The following SGCG variants were observed in gnomAD, a reference collection of about 807,000 sequenced individuals.
SGCG encodes sarcoglycan gamma, also known as gamma-sarcoglycan.
SGCG carries 26 observed loss-of-function variants against 29.3 expected under a neutral mutation model. The ratio of observed to expected loss-of-function variants is 0.89; its 90% CI spans 0.65 to 1.23. The LOEUF (loss-of-function observed/expected upper bound fraction) is 1.23. Among genes scored for constraint, SGCG ranks in the 50% most tolerant of loss-of-function variants. The probability of loss-of-function intolerance (pLI) is 0.00; values close to 1 mark genes in which losing one functional copy is unlikely to be tolerated. For synonymous variants in SGCG, 145 were observed against 129.7 expected (o/e 1.12, Z -0.80); for missense variants, 353 against 356.0 (o/e 0.99, Z 0.07).
chr13:23,277,913 T>TG (rs1421171713), intron 4 of SGCG, among the ~76,000 whole-genome samples: 2 of 152,018 alleles, frequency 1.3e-5, no homozygotes. Context: ...TTAGCCAGGA[T>TG]GGTCTCGATC....
intron 2 of SGCG, among the ~76,000 whole-genome samples, chr13:23,222,048 G>T (rs950604476): frequency 5.3e-5 from 8 of 152,202 alleles, no homozygotes; most frequent in Non-Finnish European, 8.8e-5. Context: ...ATTAAGTGTT[G>T]TTAAATTAAG....
rs542433344 is a variant in SGCG at position 23,223,819 on chromosome 13, A to C, written c.196-10792A>C. The stretch of plus-strand genomic sequence containing the variant: ...CGTCTCTACTAAAAATACAAAAATT[A>C]GCCAGGTGTGGTGGTGCGTGCCTGT... On this transcript the variant is annotated intron_variant, in intron 2 of 7. Transcript: ENST00000218867. Among the ~76,000 whole-genome samples the C allele has an allele frequency of 2.0e-5, 3 of 152,258 alleles. No individual in the cohort carries two copies. In the East Asian group the frequency reaches 5.8e-4, roughly 29 times the overall value.
upstream of SGCG, among the ~76,000 whole-genome samples, chr13:23,177,081 G>A (rs1252440899): frequency 6.6e-6 from 1 of 152,150 alleles, no homozygotes. Context: ...GAACATGGAT[G>A]AACCTGAAGG....
chr13:23,250,882 G>T (rs763590599), intron 4 of SGCG, among the ~76,000 whole-genome samples, 165 bp downstream of exon 4: 1 of 152,228 alleles, frequency 6.6e-6, no homozygotes, highest in Non-Finnish European at 1.5e-5. Flanking sequence ...ACAGAGTGGG[G>T]TGGGGGGTGA....
chr13:23,268,799 C>T (rs1880742964), intron 4 of SGCG: 1 of 151,784 alleles, frequency 6.6e-6, no homozygotes, highest in African/African-American at 2.4e-5. Context: ...ATAATGAACC[C>T]AGGGCTGCCC....
intron 2 of SGCG, 69 bp downstream of exon 2, chr13:23,203,958 T>C (rs753326617): frequency 2.9e-5 from 32 of 1,114,352 alleles, no homozygotes; most frequent in Non-Finnish European, 4.4e-5. Context: ...CTGTATTGTA[T>C]TGATAGGAGT....
chr13:23,207,763 C>T (rs1005024150), intron 2 of SGCG, among the ~76,000 whole-genome samples: 6 of 152,098 alleles, frequency 3.9e-5, no homozygotes, highest in Non-Finnish European at 4.4e-5. Flanking sequence ...TACCTCACAC[C>T]TGTCAAGATG....
At chr13:23,308,737 G>A (rs1282581105) in intron 6 of SGCG, among the ~76,000 whole-genome samples, 10 of 151,964 alleles carry the variant, frequency 6.6e-5, no homozygotes, top group Non-Finnish European at 1.0e-4. Context: ...GCTAATTTTT[G>A]TATTTTTGTA....
intron 1 of SGCG, among the ~76,000 whole-genome samples, chr13:23,200,879 G>A (rs796288087): frequency 6.6e-6 from 1 of 152,184 alleles, no homozygotes; most frequent in Non-Finnish European, 1.5e-5. Flanking sequence ...TCCTGGCCGA[G>A]TAAGACCACT....
chr13:23,199,437 G>C (rs772024013), intron 1 of SGCG, among the ~76,000 whole-genome samples: 3 of 152,176 alleles, frequency 2.0e-5, no homozygotes, highest in Non-Finnish European at 4.4e-5. Flanking sequence ...TTCTTCTCAA[G>C]CCTAATTTGA....
chr13:23,241,737 C>A (rs9578560), intron 3 of SGCG, among the ~76,000 whole-genome samples: 21,169 of 152,048 alleles, frequency 0.14, 1,739 homozygotes, highest in African/African-American at 0.22. Context: ...ACTAGCAAAC[C>A]AAATACAACA....
At chr13:23,274,476 C>T (rs369516238) in intron 4 of SGCG, among the ~76,000 whole-genome samples, 31 of 136,454 alleles carry the variant, frequency 2.3e-4, no homozygotes, top group Non-Finnish European at 3.6e-4. Flanking sequence ...GATCTTGGCT[C>T]GCTGCAAGCT....
chr13:23,296,986 A>G (rs1881931607), intron 6 of SGCG, among the ~76,000 whole-genome samples: 1 of 152,182 alleles, frequency 6.6e-6, no homozygotes, highest in South Asian at 2.1e-4. Flanking sequence ...CTTGAAGTGA[A>G]TGCAGGACAA....
the SGCG span, among the ~76,000 whole-genome samples, chr13:23,163,131 G>C: frequency 3.9e-5 from 6 of 152,150 alleles, no homozygotes; most frequent in African/African-American, 9.7e-5. Flanking sequence ...GTTGTGTGTT[G>C]ACAGTGGTAA....
chr13:23,312,894 G>A (rs1882658263), intron 6 of SGCG, among the ~76,000 whole-genome samples: 2 of 151,956 alleles, frequency 1.3e-5, no homozygotes, highest in South Asian at 2.1e-4. Flanking sequence ...TAAAAATCAT[G>A]TTCAGTTTAG....
Position 23,236,350 on chromosome 13 carries a change from G to A in SGCG, c.297+1638G>A, listed in dbSNP as rs973939136. On this transcript the variant is annotated intron_variant, in intron 3 of 7. Transcript: ENST00000218867. The stretch of plus-strand genomic sequence containing the variant: ...TCCAGTGACTGAAATCAGGTGACTA[G>A]GTCACAGCAAATTTAATATTCTGGA... 2.4e-4 allele frequency among the ~76,000 whole-genome samples: 37 copies of A among 152,268 alleles called. 1 individual carries two copies. The highest frequency in any genetic ancestry group is 3.4e-3 in the Middle Eastern group (1 of 294).
intron 2 of SGCG, among the ~76,000 whole-genome samples, chr13:23,234,177 T>C (rs8001286): frequency 0.15 from 22,981 of 152,166 alleles, 1,784 homozygotes; most frequent in East Asian, 0.29. Flanking sequence ...TGAACTCAGA[T>C]GATGGTATTT....
At chr13:23,309,127 T>C (rs1882463836) in intron 6 of SGCG, among the ~76,000 whole-genome samples, 1 of 152,154 alleles carries the variant, frequency 6.6e-6, no homozygotes. Context: ...TGGGTTCTTT[T>C]TTCTGTTAAA....
At position 23,211,243 on chromosome 13, in the gene SGCG, G is replaced by A. The variant is rs192920982; in HGVS notation, c.195+7354G>A. Among the ~76,000 whole-genome samples the A allele has an allele frequency of 3.3e-3, 508 of 152,254 alleles. 2 individuals carry two copies. Among genetic ancestry groups the A allele is most frequent in the African/African-American group, 0.012 (478 of 41,552 alleles). ...TATACCCACAGCAGACCAGAAATCCGTGGGTAAGTAGATCCCTGGGGAAGG... is the reference window on the plus strand; with the variant it reads ...TATACCCACAGCAGACCAGAAATCCATGGGTAAGTAGATCCCTGGGGAAGG... On this transcript the variant is annotated intron_variant, in intron 2 of 7. Transcript: ENST00000218867.
Sources: allele counts gnomAD v4.1 joint callset (sites outside exome capture counted in the v4.1 genomes callset), GRCh38; gene constraint gnomAD v4.1.1; transcripts MANE v1.5; gene names NCBI Gene and HGNC (gene_info 2026-07-23, HGNC 2026-07-21).